Variants in DACH1 observed in about 807,000 individuals in gnomAD.
DACH1 encodes the protein dachshund family transcription factor 1, also known as dachshund homolog 1.
Under a neutral mutation model 54.2 loss-of-function variants are expected in DACH1, and 12 were observed. That is an observed-to-expected ratio of 0.22 (90% CI 0.14 to 0.36). The LOEUF (loss-of-function observed/expected upper bound fraction) is 0.36, where lower values mean the gene tolerates loss of function less well. DACH1 is among the 10% of genes least tolerant of loss of function. The probability of loss-of-function intolerance (pLI) is 1.00; values close to 1 mark genes in which losing one functional copy is unlikely to be tolerated. For missense variants in DACH1, 805 were observed against 929.8 expected, an observed-to-expected ratio of 0.87 and a Z score of 1.75; for synonymous variants, 386 against 366.2, an observed-to-expected ratio of 1.05 and a Z score of -0.62.
intron 10 of DACH1, among the ~76,000 whole-genome samples, chr13:71,471,458 T>C (rs1393222008): frequency 6.6e-6 from 1 of 152,020 alleles, no homozygotes; most frequent in East Asian, 1.9e-4. Flanking sequence ...TTTCTAAATA[T>C]GTAAGTTAAA....
At chr13:71,500,096 T>C (rs1879786306) in intron 6 of DACH1, among the ~76,000 whole-genome samples, 1 of 152,032 alleles carries the variant, frequency 6.6e-6, no homozygotes, top group Non-Finnish European at 1.5e-5. Context: ...ATTTCATGGA[T>C]GGTGGAAAAA....
At chr13:71,837,959 T>A (rs1458256440) in intron 1 of DACH1, among the ~76,000 whole-genome samples, 9 of 114,682 alleles carry the variant, frequency 7.8e-5, no homozygotes, top group East Asian at 2.7e-4. Context: ...AACAATGAGA[T>A]CACATGGACA....
intron 6 of DACH1, among the ~76,000 whole-genome samples, chr13:71,515,883 A>C (rs1389768043): frequency 2.0e-5 from 3 of 151,908 alleles, no homozygotes; most frequent in African/African-American, 7.2e-5. Flanking sequence ...ACAGGGTAAC[A>C]ATCTGCACAA....
At chr13:71,734,994 T>TAC (rs1566466781) in intron 1 of DACH1, among the ~76,000 whole-genome samples, 8 of 148,888 alleles carry the variant, frequency 5.4e-5, no homozygotes, top group Non-Finnish European at 8.9e-5. Flanking sequence ...TATATATATA[T>TAC]ACAGACACAG....
At chr13:71,476,041 A>G (rs563435443) in intron 8 of DACH1, among the ~76,000 whole-genome samples, 192 bp from the exon 9 acceptor site, 10 of 152,228 alleles carry the variant, frequency 6.6e-5, no homozygotes, top group African/African-American at 2.2e-4. Context: ...AAGAAAGCCA[A>G]TTTTTATTTT....
Position 71,715,385 on chromosome 13 carries a change from G to A in DACH1, c.849-33475C>T, listed in dbSNP as rs73215230. Among the ~76,000 whole-genome samples, 913 of 152,176 alleles carry A rather than the reference G, an allele frequency of 6.0e-3. 7 individuals are homozygous for A. The highest frequency in any genetic ancestry group is 0.034 in the Middle Eastern group (10 of 294). Reference sequence around the variant, plus strand: ...AAAATAGTCAAAGAAGCTAATATTAGCATAGAGCATTTAATAAGAATGTGA... The same window carrying A: ...AAAATAGTCAAAGAAGCTAATATTAACATAGAGCATTTAATAAGAATGTGA... On this transcript the variant is annotated intron_variant, in intron 1 of 10. Transcript: ENST00000613252.
chr13:71,779,112 C>CATATATACACATATATAA (rs1886198524), intron 1 of DACH1, among the ~76,000 whole-genome samples: 1 of 134,858 alleles, frequency 7.4e-6, no homozygotes, highest in Non-Finnish European at 1.6e-5. Context: ...TATATATATA[C>CATATATACACATATATAA]ATATATACAC....
At chr13:71,803,004 T>C (rs926134918) in intron 1 of DACH1, among the ~76,000 whole-genome samples, 1 of 152,198 alleles carries the variant, frequency 6.6e-6, no homozygotes, top group Non-Finnish European at 1.5e-5. Context: ...AATAAACTTT[T>C]CTCATTATAT....
At chr13:71,474,024 A>C (rs1004392612) in intron 10 of DACH1, among the ~76,000 whole-genome samples, 1 of 152,316 alleles carries the variant, frequency 6.6e-6, no homozygotes. Flanking sequence ...GTACTCTAAA[A>C]ATTCAGATCT....
chr13:71,686,479 A>G lies in DACH1; in HGVS notation c.849-4569T>C, dbSNP rs149942125. On this transcript the variant is annotated intron_variant, in intron 1 of 10. Transcript: ENST00000613252. ...TCAGTCTCTCTCCTACAACTGTATA[A>G]TGTTTACTAACTTTTCCAGGTCCAT... Among the ~76,000 whole-genome samples, 29 of 152,280 alleles carry G rather than the reference A, an allele frequency of 1.9e-4. No individual in the cohort carries two copies. In the East Asian group the frequency reaches 5.6e-3, roughly 29 times the overall value.
chr13:71,536,494 G>A (rs1163850940), intron 6 of DACH1, among the ~76,000 whole-genome samples: 3 of 152,098 alleles, frequency 2.0e-5, no homozygotes, highest in African/African-American at 7.2e-5. Context: ...ATAATGAGAA[G>A]AAACAGACTG....
At chr13:71,785,689 A>G (rs1886562697) in intron 1 of DACH1, among the ~76,000 whole-genome samples, 1 of 152,188 alleles carries the variant, frequency 6.6e-6, no homozygotes, top group Non-Finnish European at 1.5e-5. Flanking sequence ...ATGATTACTA[A>G]TGGGAGCATA....
chr13:71,706,145 T>C (rs1263168510), intron 1 of DACH1, among the ~76,000 whole-genome samples: 1 of 151,986 alleles, frequency 6.6e-6, no homozygotes, highest in Non-Finnish European at 1.5e-5. Flanking sequence ...GAACTCACAA[T>C]AGAACCCTAT....
intron 10 of DACH1, among the ~76,000 whole-genome samples, chr13:71,441,702 C>A (rs1284804339): frequency 6.6e-6 from 1 of 151,910 alleles, no homozygotes; most frequent in East Asian, 1.9e-4. Flanking sequence ...AAAAGATAGT[C>A]TAAATATTTA....
intron 2 of DACH1, among the ~76,000 whole-genome samples, chr13:71,641,116 C>T (rs1877865709): frequency 6.6e-6 from 1 of 151,528 alleles, no homozygotes; most frequent in African/African-American, 2.4e-5. Flanking sequence ...TTGGGATGAG[C>T]CATCTAATTA....
At chr13:71,611,770 G>T (rs1289984051) in intron 3 of DACH1, among the ~76,000 whole-genome samples, 1 of 152,096 alleles carries the variant, frequency 6.6e-6, no homozygotes, top group African/African-American at 2.4e-5. Context: ...ATGGACAATG[G>T]TATGAATTCA....
Position 71,647,641 on chromosome 13 carries a change from C to A in DACH1, c.965-16924G>T, listed in dbSNP as rs1370105692. On this transcript the variant is annotated intron_variant, in intron 2 of 10. Transcript: ENST00000613252. ...AGAACAGGGCCACCATGACTCACAA[C>A]TGGGATAGAACATGGGGCTGAGACC... 2.6e-5 allele frequency among the ~76,000 whole-genome samples: 4 copies of A among 152,132 alleles called. No homozygotes were observed. The East Asian group carries it at 7.7e-4, about 29-fold the overall frequency.
intron 2 of DACH1, among the ~76,000 whole-genome samples, chr13:71,679,931 G>C (rs1388636125): frequency 1.5e-5 from 2 of 130,592 alleles, no homozygotes; most frequent in African/African-American, 5.7e-5. Context: ...GACAGAGCGA[G>C]ACTCCGTCTC....
At chr13:71,847,275 TTTTAA>T (rs1167817570) in intron 1 of DACH1, among the ~76,000 whole-genome samples, 2 of 152,210 alleles carry the variant, frequency 1.3e-5, no homozygotes, top group Non-Finnish European at 2.9e-5. Context: ...TGCATTCCTA[TTTTAA>T]TTTATTGGTC....
Sources: gnomAD v4.1 joint callset for allele counts (sites outside exome capture counted in the v4.1 genomes callset) on GRCh38, gnomAD v4.1.1 for gene constraint, MANE v1.5 for transcripts, NCBI Gene and HGNC (gene_info 2026-07-23, HGNC 2026-07-21) for gene names.